TYW1: variants seen among roughly 807,000 people sequenced by gnomAD.
The protein encoded by TYW1 is S-adenosyl-L-methionine-dependent tRNA 4-demethylwyosine synthase TYW1.
A neutral mutation model predicts 96.2 loss-of-function variants in TYW1; 46 were observed. The observed-to-expected ratio is 0.48, with a 90% CI of 0.38 to 0.61. TYW1 has a LOEUF of 0.61. Ranked by LOEUF, TYW1 falls within the 20% of genes least tolerant of loss-of-function variation. The probability of loss-of-function intolerance (pLI) is 0.00; values close to 1 mark genes in which losing one functional copy is unlikely to be tolerated. For missense variants in TYW1, 684 were observed against 909.6 expected (o/e 0.75, Z 3.19); for synonymous variants, 274 against 323.0 (o/e 0.85, Z 1.63).
At chr7:67,089,755 G>A (rs1450215297) in intron 11 of TYW1, among the ~76,000 whole-genome samples, 1 of 152,194 alleles carries the variant, frequency 6.6e-6, no homozygotes, top group Non-Finnish European at 1.5e-5. Flanking sequence ...ATTTCACTGA[G>A]TTATAAAAAT....
intron 13 of TYW1, among the ~76,000 whole-genome samples, chr7:67,152,091 A>G (rs1305182258): frequency 6.6e-6 from 1 of 152,138 alleles, no homozygotes; most frequent in African/African-American, 2.4e-5. Flanking sequence ...GATTGTAGGC[A>G]TGAGCTGCCA....
intron 12 of TYW1, among the ~76,000 whole-genome samples, chr7:67,116,707 G>A (rs979981802): frequency 6.6e-6 from 1 of 152,040 alleles, no homozygotes; most frequent in Non-Finnish European, 1.5e-5. Flanking sequence ...CGGGGGAAAA[G>A]ACCTACTAGA....
chr7:67,228,342 C>T (rs1331640659), intron 15 of TYW1, among the ~76,000 whole-genome samples: 2 of 152,138 alleles, frequency 1.3e-5, no homozygotes, highest in African/African-American at 2.4e-5. Context: ...AACCCCCCTT[C>T]GTAAAACCAT....
At position 67,029,413 on chromosome 7, in the gene TYW1, G is replaced by GTA. The variant is rs1430069945; in HGVS notation, c.984+4392_984+4393insAT. On this transcript the variant is annotated intron_variant, in intron 7 of 15. Coordinates refer to ENST00000359626, the MANE Select transcript of TYW1 (RefSeq NM_018264.4). ...TGTGTGTGTGTGTGTGTGTGTGTGT[G>GTA]TGTATATATATATATATATAAATAG... 5.1e-4 allele frequency among the ~76,000 whole-genome samples: 48 copies of GTA among 93,484 alleles called. 1 individual carries two copies. The highest frequency in any genetic ancestry group is 1.6e-3 in the African/African-American group (41 of 26,384). The allele number at this position is 93,484 out of a possible 152,430, so 61.3% of individuals were successfully genotyped here.
chr7:67,093,105 T>A (rs1796778125), intron 11 of TYW1, among the ~76,000 whole-genome samples: 1 of 152,136 alleles, frequency 6.6e-6, no homozygotes, highest in Admixed American at 6.5e-5. Flanking sequence ...AGATTGAGAC[T>A]GCAGTCAGCT....
chr7:67,029,407 G>GTATATATATATATATATATATATATA (rs1453768398), intron 7 of TYW1, among the ~76,000 whole-genome samples: 1 of 96,228 alleles, frequency 1.0e-5, no homozygotes, highest in Non-Finnish European at 2.1e-5. Context: ...GTGTGTGTGT[G>GTATATATATATATATATATATATATA]TGTGTGTGTA....
intron 14 of TYW1, among the ~76,000 whole-genome samples, chr7:67,190,054 G>A (rs1196387886): frequency 1.3e-5 from 2 of 151,808 alleles, no homozygotes; most frequent in South Asian, 2.1e-4. Context: ...AGAATAGGAC[G>A]TGCTCAGTAA....
chr7:67,235,165 A>G (rs1801844349), intron 15 of TYW1, among the ~76,000 whole-genome samples: 1 of 152,204 alleles, frequency 6.6e-6, no homozygotes, highest in Admixed American at 6.5e-5. Flanking sequence ...CTTGTCTTTC[A>G]GCAAGCAACA....
intron 13 of TYW1, among the ~76,000 whole-genome samples, chr7:67,137,510 A>G (rs1004215287): frequency 1.1e-4 from 16 of 152,184 alleles, no homozygotes; most frequent in African/African-American, 3.9e-4. Flanking sequence ...TGCTTTTTAA[A>G]AGATTGTATT....
chr7:67,203,288 T>G (rs1800662641), intron 15 of TYW1, among the ~76,000 whole-genome samples: 1 of 152,232 alleles, frequency 6.6e-6, no homozygotes, highest in Non-Finnish European at 1.5e-5. Flanking sequence ...GGTATATGTT[T>G]TTCTGTCCTT....
In TYW1 at chr7:67,037,284, G is replaced by T. The variant is rs1198191740; in HGVS notation, c.984+12262G>T. On this transcript the variant is annotated intron_variant, in intron 7 of 15. Transcript: ENST00000359626. ...GCATTTTGGGAGGCCGAGGCAGGTG[G>T]ATCACCTGACGTCAGGAGACCAGCC... 3.3e-5 allele frequency among the ~76,000 whole-genome samples: 5 copies of T among 152,076 alleles called. No individual in the cohort carries two copies. The East Asian group carries it at 9.6e-4, about 29-fold the overall frequency.
At position 67,071,118 on chromosome 7, in the gene TYW1, A is replaced by G. The variant is rs200658124; in HGVS notation, c.1274+3715A>G. Among the ~76,000 whole-genome samples the G allele has an allele frequency of 2.0e-5, 3 of 148,154 alleles. No homozygotes were observed. In the East Asian group the frequency reaches 5.8e-4, roughly 29 times the overall value. The stretch of plus-strand genomic sequence containing the variant: ...TGCACTCCAGCCTGGGCAACAGAGC[A>G]AGACTCCGTCTCAAAAAAAAAAAGG... On this transcript the variant is annotated intron_variant, in intron 10 of 15. Transcript: ENST00000359626.
intron 13 of TYW1, among the ~76,000 whole-genome samples, chr7:67,118,602 A>T (rs973957723): frequency 6.6e-6 from 1 of 152,004 alleles, no homozygotes; most frequent in African/African-American, 2.4e-5. Flanking sequence ...ACCTTAAAAG[A>T]GGCGTCTGCA....
chr7:67,040,393 A>G (rs1322245135), intron 7 of TYW1, among the ~76,000 whole-genome samples: 1 of 151,954 alleles, frequency 6.6e-6, no homozygotes, highest in Non-Finnish European at 1.5e-5. Flanking sequence ...ACATTTACAC[A>G]TTCCCCATAT....
intron 13 of TYW1, among the ~76,000 whole-genome samples, chr7:67,120,108 G>A (rs1216201478): frequency 3.3e-5 from 5 of 151,714 alleles, no homozygotes; most frequent in Non-Finnish European, 5.9e-5. Flanking sequence ...TTGAGATGGA[G>A]TCTCTTTCTG....
intron 9 of TYW1, among the ~76,000 whole-genome samples, chr7:67,062,270 G>A (rs1795715943): frequency 1.3e-5 from 2 of 151,936 alleles, no homozygotes; most frequent in Admixed American, 6.6e-5. Flanking sequence ...TTAGCTGGGC[G>A]TAGTGGTGGG....
chr7:67,223,524 A>G (rs1249971508), intron 15 of TYW1, among the ~76,000 whole-genome samples: 1 of 151,666 alleles, frequency 6.6e-6, no homozygotes, highest in Non-Finnish European at 1.5e-5. Context: ...CACCTCCCAA[A>G]GGTGGGAAAG....
At chr7:67,095,660 AAACAACAACAACAACAACAAC>A (rs56747081) in intron 11 of TYW1, among the ~76,000 whole-genome samples, 1 of 136,556 alleles carries the variant, frequency 7.3e-6, no homozygotes, top group Non-Finnish European at 1.6e-5. Context: ...TCTGTCTCAA[AAACAACAACAACAACAACAAC>A]AACAACAACA....
intron 3 of TYW1, among the ~76,000 whole-genome samples, chr7:67,002,849 CTTTTTTCTTTT>C: frequency 8.6e-6 from 1 of 116,958 alleles, no homozygotes; most frequent in Admixed American, 8.5e-5. Context: ...TTTTCTTTTT[CTTTTTTCTTTT>C]TTTTTTTTTT....
Sources: gnomAD v4.1 joint callset for allele counts (sites outside exome capture counted in the v4.1 genomes callset) on GRCh38, gnomAD v4.1.1 for gene constraint, MANE v1.5 for transcripts, NCBI Gene and HGNC (gene_info 2026-07-23, HGNC 2026-07-21) for gene names.